The following PKHD1 variants were observed in gnomAD, a reference collection of about 807,000 sequenced individuals.
The protein encoded by PKHD1 is fibrocystin.
In PKHD1, 291 loss-of-function variants were observed where a neutral mutation model predicts 412.0. The observed-to-expected ratio is 0.71, with a 90% CI of 0.64 to 0.78. The LOEUF is 0.78. PKHD1 is among the 30% of genes least tolerant of loss of function. The probability of loss-of-function intolerance (pLI) is 0.00; values close to 1 mark genes in which losing one functional copy is unlikely to be tolerated. For synonymous variants in PKHD1, 1,777 were observed against 1,821.5 expected, an observed-to-expected ratio of 0.98 and a Z score of 0.62; for missense variants, 4,825 against 4,950.7, an observed-to-expected ratio of 0.97 and a Z score of 0.76.
intron 37 of PKHD1, among the ~76,000 whole-genome samples, chr6:51,933,223 A>G (rs777509754): frequency 1.3e-5 from 2 of 152,298 alleles, no homozygotes; most frequent in Middle Eastern, 6.8e-3. Context: ...GACTCTCAAG[A>G]GGGAAAAAAA....
At chr6:51,685,705 C>T (rs1357694698) in intron 60 of PKHD1, among the ~76,000 whole-genome samples, 1 of 152,078 alleles carries the variant, frequency 6.6e-6, no homozygotes, top group Non-Finnish European at 1.5e-5. Flanking sequence ...TACTATTTCC[C>T]GAAGCAACTT....
chr6:51,836,254 A>G (rs1037850165), intron 51 of PKHD1, 150 bp downstream of exon 51: 120 of 671,578 alleles, frequency 1.8e-4, no homozygotes, highest in Non-Finnish European at 3.1e-4. Context: ...TATTTTAGTT[A>G]CAGGGCAACA....
intron 35 of PKHD1, among the ~76,000 whole-genome samples, chr6:51,967,067 A>AGATGG (rs1327433108): frequency 1.3e-5 from 2 of 152,188 alleles, no homozygotes; most frequent in East Asian, 3.9e-4. Context: ...CTGTATAGCC[A>AGATGG]GATGGCCTTT....
Position 51,950,220 on chromosome 6 carries a change from A to AAAAATATATATATAT in PKHD1, c.5908+9649_5908+9650insATATATATATATTTT. On this transcript the variant is annotated intron_variant, in intron 36 of 66. Coordinates refer to ENST00000371117, the MANE Select transcript of PKHD1 (RefSeq NM_138694.4). ...AATGGGCAATATAGAGAAAAAAAAA[A>AAAAATATATATATAT]ATATATATATATATATATATGAAAT... 1.3e-3 allele frequency among the ~76,000 whole-genome samples: 128 copies of AAAAATATATATATAT among 98,264 alleles called. 1 individual carries two copies. The highest frequency in any genetic ancestry group is 9.8e-3 in the East Asian group (18 of 1,846). The allele number at this position is 98,264 out of a possible 152,430, so 64.5% of individuals were successfully genotyped here.
At chr6:51,825,236 C>T (rs1165608051) in intron 52 of PKHD1, among the ~76,000 whole-genome samples, 1 of 152,160 alleles carries the variant, frequency 6.6e-6, no homozygotes, top group Admixed American at 6.6e-5. Context: ...GCTATTCCTC[C>T]TATTGAGAGG....
intron 27 of PKHD1, among the ~76,000 whole-genome samples, chr6:52,041,363 G>C (rs150886274): frequency 6.6e-6 from 1 of 152,290 alleles, no homozygotes; most frequent in East Asian, 1.9e-4. Flanking sequence ...TGGAGCCTGA[G>C]ACTCTGCATC....
intron 63 of PKHD1, 33 bp downstream of exon 63, chr6:51,647,998 C>G (rs751490845): frequency 8.4e-7 from 1 of 1,194,058 alleles, no homozygotes; most frequent in Non-Finnish European, 1.3e-6. Flanking sequence ...AAAGTGGTAA[C>G]AGATATCTGA....
intron 33 of PKHD1, among the ~76,000 whole-genome samples, chr6:52,019,165 T>TA (rs1801015404): frequency 4.6e-5 from 7 of 152,114 alleles, no homozygotes; most frequent in South Asian, 2.1e-4. Flanking sequence ...AGGGAAAATT[T>TA]AAAAAAATCT....
intron 35 of PKHD1, among the ~76,000 whole-genome samples, chr6:52,001,943 A>T (rs1798451939): frequency 6.6e-6 from 1 of 152,092 alleles, no homozygotes; most frequent in Non-Finnish European, 1.5e-5. Context: ...TAGTCTCATT[A>T]TGTATTTAAC....
chr6:52,008,386 A>C (rs1237977118), intron 35 of PKHD1, among the ~76,000 whole-genome samples: 3 of 152,186 alleles, frequency 2.0e-5, no homozygotes, highest in African/African-American at 2.4e-5. Context: ...ATAAGGCCTC[A>C]CTTCCCAAAT....
At chr6:51,791,126 C>G (rs1224983224) in intron 53 of PKHD1, 110 bp downstream of exon 53, 4 of 1,084,602 alleles carry the variant, frequency 3.7e-6, no homozygotes, top group Admixed American at 1.7e-5. Context: ...TACCTTAACC[C>G]TCCCTAAACT....
chr6:52,053,345 G>A (rs1807187306), intron 20 of PKHD1, 94 bp from the exon 21 acceptor site: 1 of 1,305,888 alleles, frequency 7.7e-7, no homozygotes, highest in Non-Finnish European at 1.1e-6. Flanking sequence ...GGGCCTGTGA[G>A]CTATGCAGCC....
chr6:51,785,754 C>T (rs1186974915), intron 53 of PKHD1, among the ~76,000 whole-genome samples: 1 of 152,148 alleles, frequency 6.6e-6, no homozygotes, highest in African/African-American at 2.4e-5. Context: ...CCTTCAAAGA[C>T]TTGCGCTCCT....
In PKHD1 at chr6:52,025,619, C is replaced by T. The variant is rs756553815; in HGVS notation, c.4191G>A (p.Ser1397=). 7.4e-6 allele frequency: 12 copies of T among 1,614,026 alleles called. No individual in the cohort carries two copies. Among genetic ancestry groups the T allele is most frequent in the Middle Eastern group, 1.6e-4 (1 of 6,084 alleles). The change falls in exon 32 of 67, where the codon TCG becomes TCA. Residue 1397 remains serine, a synonymous_variant. Transcript: ENST00000371117. Reference sequence around the variant, plus strand: ...TGGTCCCACCACATGCCGAACCCTGCGATGGGAAGATGGCCATTATCCGAG... The same window carrying T: ...TGGTCCCACCACATGCCGAACCCTGTGATGGGAAGATGGCCATTATCCGAG... The part of the protein sequence containing the change: ...VMPRIMAIFP[S]QGSACGGTIL...
chr6:51,701,835 G>A (rs1318159902), intron 60 of PKHD1, among the ~76,000 whole-genome samples: 2 of 151,720 alleles, frequency 1.3e-5, no homozygotes, highest in Non-Finnish European at 2.9e-5. Context: ...AGACCAAAGA[G>A]TAAGAATTTT....
intron 52 of PKHD1, among the ~76,000 whole-genome samples, chr6:51,801,787 T>G (rs924573987): frequency 6.6e-6 from 1 of 152,072 alleles, no homozygotes; most frequent in Non-Finnish European, 1.5e-5. Context: ...CTCCCCACAT[T>G]CTTTCTGTGT....
intron 5 of PKHD1, among the ~76,000 whole-genome samples, chr6:52,077,131 T>C (rs114033674): frequency 0.013 from 1,915 of 152,318 alleles, 28 homozygotes; most frequent in South Asian, 0.045. Flanking sequence ...TAGACTGGTA[T>C]GCAGACGACA....
chr6:51,855,735 G>A (rs1773184563), intron 49 of PKHD1, among the ~76,000 whole-genome samples, 158 bp downstream of exon 49: 1 of 152,152 alleles, frequency 6.6e-6, no homozygotes, highest in South Asian at 2.1e-4. Flanking sequence ...ATATTCATCT[G>A]GCCAAAATAC....
chr6:51,762,664 TA>T (rs1347909890), intron 55 of PKHD1, among the ~76,000 whole-genome samples: 31 of 149,614 alleles, frequency 2.1e-4, no homozygotes, highest in South Asian at 4.3e-4. Flanking sequence ...TATATATATA[TA>T]TTTTCAGGTA....
Sources: gnomAD v4.1 joint callset for allele counts (sites outside exome capture counted in the v4.1 genomes callset) on GRCh38, gnomAD v4.1.1 for gene constraint, MANE v1.5 for transcripts, NCBI Gene and HGNC (gene_info 2026-07-23, HGNC 2026-07-21) for gene names.